The following TNNT2 variants were observed in gnomAD, a reference collection of about 807,000 sequenced individuals.
TNNT2 encodes the protein troponin T, cardiac muscle.
In TNNT2, 34 loss-of-function variants were observed where a neutral mutation model predicts 62.4. The observed-to-expected ratio is 0.54, with a 90% CI of 0.41 to 0.72. TNNT2 has a LOEUF of 0.72. Among genes scored for constraint, TNNT2 ranks in the 30% least tolerant of loss-of-function variants. The pLI, the probability that TNNT2 is intolerant of heterozygous loss-of-function variation, is 0.00. For missense variants in TNNT2, 275 were observed against 381.9 expected, an observed-to-expected ratio of 0.72 and a Z score of 2.33; for synonymous variants, 123 against 127.2, an observed-to-expected ratio of 0.97 and a Z score of 0.22.
intron 1 of TNNT2, chr1:201,373,666 T>C: frequency 3.5e-6 from 1 of 283,156 alleles, no homozygotes; most frequent in Admixed American, 4.6e-5. Flanking sequence ...CTCAACCTTC[T>C]GGGCTCAAGC....
At chr1:201,366,931 C>G (rs779281572) in intron 7 of TNNT2, 60 bp from the exon 8 acceptor site, 1 of 1,613,746 alleles carries the variant, frequency 6.2e-7, no homozygotes, top group Non-Finnish European at 8.5e-7. Context: ...GTCCCAACTC[C>G]GCCCTCGATG....
chr1:201,368,624 G>A (rs186997979), intron 5 of TNNT2, among the ~76,000 whole-genome samples: 57 of 152,318 alleles, frequency 3.7e-4, no homozygotes, highest in Admixed American at 9.2e-4. Flanking sequence ...GAGTACGACT[G>A]TGTGGCTGGA....
In TNNT2 at chr1:201,369,270, A is replaced by C. The variant is rs1660206389; in HGVS notation, c.97+546T>G. 1.1e-4 allele frequency: 54 copies of C among 471,862 alleles called. 1 individual carries two copies. Among genetic ancestry groups the C allele is most frequent in the South Asian group, 8.4e-4 (54 of 64,548 alleles). The allele number at this position is 471,862 out of a possible 1,614,324, so 29.2% of individuals were successfully genotyped here. A position where few individuals can be genotyped will look rare whatever the true frequency, so the allele number is the denominator to read the frequency against. ...CTTTCTAAAATTAAGCCCTGGTCTC[A>C]CTCCCTTGCCTTGGTCCTGTGCTCC... is the stretch of plus-strand genomic sequence containing the variant. On this transcript the variant is annotated intron_variant, in intron 5 of 16. Coordinates refer to ENST00000656932, the MANE Select transcript of TNNT2 (RefSeq NM_001276345.2).
rs572078239 is a variant in TNNT2 at position 201,369,819 on chromosome 1, C to G, written c.94G>C (p.Asp32His). The change falls in exon 5 of 17, where the codon GAC (aspartate) becomes CAC (histidine). Residue 32 changes from aspartate (D) to histidine (H), a missense_variant. Physicochemically the swap from Asp to His is moderately conservative, Grantham distance 81. Transcript: ENST00000656932. ...EEEEDWREDE[D>H]EQEEAAEEDA... ...ACAGAAGGAAAGGCTGTACTACCGT[C>G]TTCGTCCTCTCTCCAGTCCTCCTCT... The G allele has an allele frequency of 4.5e-5, 73 of 1,614,226 alleles. No individual in the cohort carries two copies. In the South Asian group the frequency reaches 7.2e-4, roughly 16 times the overall value.
chr1:201,374,436 G>A (rs1026421039), intron 1 of TNNT2: 1 of 152,088 alleles, frequency 6.6e-6, no homozygotes, highest in African/African-American at 2.4e-5. Context: ...GAGATAAAGT[G>A]TACACATCCT....
intron 10 of TNNT2, 130 bp from the exon 11 acceptor site, chr1:201,364,505 G>T: frequency 1.0e-6 from 1 of 985,126 alleles, no homozygotes; most frequent in Non-Finnish European, 1.6e-6. Flanking sequence ...AAGCAATGGT[G>T]CCCGGCCTCC....
chr1:201,370,661 A>C (rs1571665907), intron 4 of TNNT2, among the ~76,000 whole-genome samples: 1 of 152,214 alleles, frequency 6.6e-6, no homozygotes, highest in South Asian at 2.1e-4. Flanking sequence ...AGTCTCGTCT[A>C]TTCATGGCAA....
chr1:201,361,491 G>T, intron 14 of TNNT2, 122 bp from the exon 15 acceptor site: 2 of 977,282 alleles, frequency 2.0e-6, no homozygotes, highest in Non-Finnish European at 3.3e-6. Context: ...GCCTGCCAAG[G>T]GTACCCCAGC....
chr1:201,361,278 C>T lies in TNNT2; in HGVS notation c.810+1G>A, dbSNP rs113874623. 6 of 1,613,874 alleles carry T rather than the reference C, an allele frequency of 3.7e-6. No individual in the cohort carries two copies. Among genetic ancestry groups the T allele is most frequent in the Admixed American group, 1.7e-5 (1 of 60,002 alleles). ...TGGGCGGGGACAGCATGGCGGCCCA[C>T]CTCATATTTCTGCTGCTTGAACTTC... On this transcript the variant is annotated splice_donor_variant, in intron 15 of 16. Coordinates refer to ENST00000656932, the MANE Select transcript of TNNT2 (RefSeq NM_001276345.2). LOFTEE classifies it high-confidence loss of function.
intron 8 of TNNT2, 164 bp from the exon 9 acceptor site, chr1:201,365,834 C>G (rs1197615580): frequency 2.0e-6 from 3 of 1,516,364 alleles, no homozygotes; most frequent in Admixed American, 2.0e-5. Flanking sequence ...CAGTCCTCAG[C>G]CTTGCTCAGC....
At position 201,359,139 on chromosome 1, in the gene TNNT2, G is replaced by T. The variant is rs3730244; in HGVS notation, c.*71C>A. 3 of 1,568,152 alleles carry T rather than the reference G, an allele frequency of 1.9e-6. No homozygotes were observed. Among genetic ancestry groups the T allele is most frequent in the Admixed American group, 1.9e-5 (1 of 52,314 alleles). ...CTGCCTGGGGTGCCCAGGAGGGCCC[G>T]GGAACTGGGGGAGTGCAGGCCGGAG... On this transcript the variant is annotated 3_prime_UTR_variant, in exon 17 of 17. Coordinates refer to ENST00000656932, the MANE Select transcript of TNNT2 (RefSeq NM_001276345.2).
intron 11 of TNNT2, chr1:201,363,783 G>A (rs192293184): frequency 9.1e-4 from 295 of 323,424 alleles, no homozygotes; most frequent in African/African-American, 5.2e-3. Flanking sequence ...AAAATAACAC[G>A]TTCATAAGGA....
intron 4 of TNNT2, among the ~76,000 whole-genome samples, chr1:201,371,626 A>T (rs1660613309): frequency 6.6e-6 from 1 of 152,144 alleles, no homozygotes; most frequent in African/African-American, 2.4e-5. Context: ...AACTGGTGGA[A>T]GGTGGAGTAT....
At chr1:201,369,408 C>T in intron 5 of TNNT2, 1 of 476,556 alleles carries the variant, frequency 2.1e-6, no homozygotes. Flanking sequence ...CAACCAACAC[C>T]TGGCCACCCT....
chr1:201,363,987 A>T, intron 11 of TNNT2: 1 of 405,226 alleles, frequency 2.5e-6, no homozygotes, highest in Non-Finnish European at 4.6e-6. Flanking sequence ...CCTGGGTTCA[A>T]GCGATTCTCC....
chr1:201,369,437 C>G, intron 5 of TNNT2: 1 of 481,200 alleles, frequency 2.1e-6, no homozygotes, highest in Non-Finnish European at 4.3e-6. Flanking sequence ...CTGTCCAGCT[C>G]CTAAGGAGGG....
intron 9 of TNNT2, 86 bp downstream of exon 9, chr1:201,365,524 C>G (rs1659500349): frequency 2.7e-6 from 4 of 1,484,330 alleles, no homozygotes; most frequent in Non-Finnish European, 3.7e-6. Context: ...TGCTCTACCC[C>G]AGCCCAAGGT....
At chr1:201,359,755 G>A in intron 15 of TNNT2, 92 bp from the exon 16 acceptor site, 3 of 1,069,924 alleles carry the variant, frequency 2.8e-6, no homozygotes, top group Non-Finnish European at 4.2e-6. Flanking sequence ...GGGGCTGAGT[G>A]CAGCAGTGCA....
At chr1:201,369,985 C>A in intron 4 of TNNT2, 140 bp from the exon 5 acceptor site, 1 of 886,078 alleles carries the variant, frequency 1.1e-6, no homozygotes, top group Non-Finnish European at 1.8e-6. Context: ...CATTCCAATT[C>A]CCAAGCCACT....
Sources: allele counts gnomAD v4.1 joint callset (sites outside exome capture counted in the v4.1 genomes callset), GRCh38; gene constraint gnomAD v4.1.1; transcripts MANE v1.5; gene names NCBI Gene and HGNC (gene_info 2026-07-23, HGNC 2026-07-21).